Variants in EXOC2 observed in about 807,000 individuals in gnomAD.
EXOC2 encodes SEC5-like 1.
EXOC2 carries 70 observed loss-of-function variants against 131.8 expected under a neutral mutation model. That is an observed-to-expected ratio of 0.53 (90% CI 0.44 to 0.65). The LOEUF is 0.65. EXOC2 is among the 30% of genes least tolerant of loss of function. EXOC2 has a pLI of 0.00. For missense variants in EXOC2, 923 were observed against 1,108.6 expected, an observed-to-expected ratio of 0.83 and a Z score of 2.38; for synonymous variants, 411 against 398.4, an observed-to-expected ratio of 1.03 and a Z score of -0.38.
chr6:686,428 TTTTA>T (rs1764657909), intron 1 of EXOC2, among the ~76,000 whole-genome samples: 1 of 152,214 alleles, frequency 6.6e-6, no homozygotes, highest in Admixed American at 6.5e-5. Context: ...GACACTTGAT[TTTTA>T]TTTATTTATT....
At chr6:498,809 C>T (rs6933396) in intron 24 of EXOC2, among the ~76,000 whole-genome samples, 73,290 of 152,006 alleles carry the variant, frequency 0.48, 19,002 homozygotes, top group East Asian at 0.69. Context: ...ATGCTTGTCG[C>T]CCAAGAGGCA....
intron 1 of EXOC2, among the ~76,000 whole-genome samples, chr6:641,974 C>CA (rs1398225415): frequency 1.3e-5 from 2 of 152,148 alleles, no homozygotes; most frequent in Non-Finnish European, 2.9e-5. Flanking sequence ...GCACAGCCCA[C>CA]AACCTCCTCC....
intron 1 of EXOC2, among the ~76,000 whole-genome samples, chr6:646,834 C>G (rs1047204249): frequency 3.9e-5 from 6 of 152,042 alleles, no homozygotes; most frequent in Non-Finnish European, 8.8e-5. Context: ...TGCTAGAAAA[C>G]TATTATAAAC....
intron 2 of EXOC2, 86 bp from the exon 3 acceptor site, chr6:633,203 T>A: frequency 7.2e-7 from 1 of 1,398,202 alleles, no homozygotes; most frequent in Non-Finnish European, 9.8e-7. Context: ...TTAAATCTAG[T>A]CTTGTTCAAT....
intron 22 of EXOC2, among the ~76,000 whole-genome samples, chr6:538,409 C>T (rs1253235484): frequency 1.3e-5 from 2 of 152,144 alleles, no homozygotes; most frequent in Non-Finnish European, 2.9e-5. Context: ...TACCATTAAT[C>T]GCTATCTGAG....
At chr6:624,641 A>G (rs1274433550) in intron 4 of EXOC2, among the ~76,000 whole-genome samples, 1 of 152,232 alleles carries the variant, frequency 6.6e-6, no homozygotes. Flanking sequence ...ACTGTCAAAC[A>G]GAGAACCAGA....
chr6:494,879 C>T (rs540262792), intron 25 of EXOC2, among the ~76,000 whole-genome samples: 13 of 152,098 alleles, frequency 8.5e-5, no homozygotes, highest in Admixed American at 3.3e-4. Flanking sequence ...AAATTGACTA[C>T]GAACATTCTT....
At chr6:587,213 T>C (rs1231266899) in intron 11 of EXOC2, among the ~76,000 whole-genome samples, 2 of 152,062 alleles carry the variant, frequency 1.3e-5, no homozygotes, top group Non-Finnish European at 2.9e-5. Context: ...AACATAGATA[T>C]GACATTACCT....
intron 1 of EXOC2, among the ~76,000 whole-genome samples, chr6:655,637 C>T (rs560574212): frequency 6.6e-6 from 1 of 152,256 alleles, no homozygotes; most frequent in South Asian, 2.1e-4. Context: ...CACGGCTTAA[C>T]AAAGAATATG....
intron 22 of EXOC2, among the ~76,000 whole-genome samples, chr6:544,311 A>G (rs1294045639): frequency 2.0e-5 from 3 of 152,192 alleles, no homozygotes; most frequent in Admixed American, 2.0e-4. Flanking sequence ...GTAAATGACA[A>G]GGTCTCTGAG....
At chr6:655,901 C>A in intron 1 of EXOC2, 8 of 451,098 alleles carry the variant, frequency 1.8e-5, no homozygotes, top group South Asian at 3.8e-5. Context: ...AGGAAAAAAA[C>A]CTGACAAACC....
chr6:639,864 G>A (rs1407609005), intron 1 of EXOC2, among the ~76,000 whole-genome samples: 2 of 152,164 alleles, frequency 1.3e-5, no homozygotes, highest in Admixed American at 6.5e-5. Flanking sequence ...AATGTGCATG[G>A]ACTCGCAGGA....
chr6:642,017 C>T (rs72835984), intron 1 of EXOC2, among the ~76,000 whole-genome samples: 17,251 of 152,132 alleles, frequency 0.11, 1,182 homozygotes, highest in East Asian at 0.17. Flanking sequence ...CAGCTAGACC[C>T]GTCCACACTG....
At chr6:608,696 G>C (rs1214128458) in intron 7 of EXOC2, among the ~76,000 whole-genome samples, 2 of 149,900 alleles carry the variant, frequency 1.3e-5, no homozygotes, top group Non-Finnish European at 2.9e-5. Context: ...CCTAACACAT[G>C]AAACAGACCC....
chr6:603,081 G>A (rs1760191458), intron 7 of EXOC2, among the ~76,000 whole-genome samples: 1 of 152,252 alleles, frequency 6.6e-6, no homozygotes, highest in South Asian at 2.1e-4. Flanking sequence ...CCTTGGTACT[G>A]ACACTTGAGA....
At chr6:633,226 G>T in intron 2 of EXOC2, 109 bp from the exon 3 acceptor site, 1 of 1,149,854 alleles carries the variant, frequency 8.7e-7, no homozygotes, top group Non-Finnish European at 1.2e-6. Flanking sequence ...TGACATTATT[G>T]AATATACCCA....
chr6:658,471 A>C (rs1280574274), intron 1 of EXOC2, among the ~76,000 whole-genome samples: 6 of 151,822 alleles, frequency 4.0e-5, no homozygotes, highest in Non-Finnish European at 5.9e-5. Context: ...GTCTAGCTCT[A>C]ACCACAATGA....
At chr6:524,519 C>T (rs1297936374) in intron 23 of EXOC2, among the ~76,000 whole-genome samples, 4 of 152,008 alleles carry the variant, frequency 2.6e-5, no homozygotes, top group African/African-American at 7.3e-5. Flanking sequence ...TCATGAGGGA[C>T]GCTAGTCTGT....
intron 9 of EXOC2, among the ~76,000 whole-genome samples, chr6:598,459 T>C (rs1338361506): frequency 6.6e-6 from 1 of 152,216 alleles, no homozygotes; most frequent in African/African-American, 2.4e-5. Context: ...ACTCTGGCAT[T>C]AGACATAACT....
Sources: allele counts gnomAD v4.1 joint callset (sites outside exome capture counted in the v4.1 genomes callset), GRCh38; gene constraint gnomAD v4.1.1; transcripts MANE v1.5; gene names NCBI Gene and HGNC (gene_info 2026-07-23, HGNC 2026-07-21).